LAMA2: variants seen among roughly 807,000 people sequenced by gnomAD.
LAMA2 encodes the protein laminin subunit alpha-2.
In LAMA2, 269 loss-of-function variants were observed where a neutral mutation model predicts 364.8. That is an observed-to-expected ratio of 0.74 (90% CI 0.67 to 0.82). LAMA2 has a LOEUF of 0.82. LAMA2 is among the 40% of genes least tolerant of loss of function. LAMA2 has a pLI of 0.00. For missense variants in LAMA2, 3,807 were observed against 3,873.2 expected (o/e 0.98, Z 0.45); for synonymous variants, 1,379 against 1,370.6 (o/e 1.01, Z -0.14).
intron 33 of LAMA2, among the ~76,000 whole-genome samples, chr6:129,366,951 A>C (rs1777812089): frequency 6.6e-6 from 1 of 152,226 alleles, no homozygotes; most frequent in Non-Finnish European, 1.5e-5. Context: ...TCAAACACAC[A>C]GGCAAATGTA....
intron 29 of LAMA2, among the ~76,000 whole-genome samples, chr6:129,334,266 G>T (rs535236876): frequency 1.3e-5 from 2 of 152,304 alleles, no homozygotes; most frequent in South Asian, 4.1e-4. Context: ...AGAGTGCCTT[G>T]ATTCAAATCC....
rs1447137530 is a variant in LAMA2 at position 129,074,645 on chromosome 6, A to T, written c.396+14749A>T. Among the ~76,000 whole-genome samples, 3 of 152,224 alleles carry T rather than the reference A, an allele frequency of 2.0e-5. No homozygotes were observed. In the East Asian group the frequency reaches 5.8e-4, roughly 29 times the overall value. On this transcript the variant is annotated intron_variant, in intron 3 of 64. Coordinates refer to ENST00000421865, the MANE Select transcript of LAMA2 (RefSeq NM_000426.4). ...GGGAAAAAATATTTATTTTATTTAC[A>T]GTTTTAAAAACAAAAATCAGCATAT...
At chr6:128,953,066 G>T (rs1780931094) in intron 1 of LAMA2, among the ~76,000 whole-genome samples, 1 of 152,160 alleles carries the variant, frequency 6.6e-6, no homozygotes, top group African/African-American at 2.4e-5. Flanking sequence ...ATTAATCTCT[G>T]TTGGCCTTGC....
At chr6:129,354,106 C>A (rs1777021235) in intron 32 of LAMA2, among the ~76,000 whole-genome samples, 1 of 152,064 alleles carries the variant, frequency 6.6e-6, no homozygotes, top group African/African-American at 2.4e-5. Context: ...TATTTTAGCA[C>A]CTTTTATTTC....
intron 34 of LAMA2, among the ~76,000 whole-genome samples, chr6:129,370,372 C>T (rs1778004238): frequency 6.6e-6 from 1 of 152,080 alleles, no homozygotes; most frequent in African/African-American, 2.4e-5. Context: ...GGGATTTTTG[C>T]ATTAGTATAG....
intron 41 of LAMA2, among the ~76,000 whole-genome samples, chr6:129,437,813 T>G (rs1781907759): frequency 6.6e-6 from 1 of 152,056 alleles, no homozygotes; most frequent in Non-Finnish European, 1.5e-5. Flanking sequence ...TAAACTTATA[T>G]CAACAGATTG....
intron 61 of LAMA2, among the ~76,000 whole-genome samples, chr6:129,506,505 C>G (rs1172511013): frequency 1.3e-5 from 2 of 152,088 alleles, no homozygotes; most frequent in African/African-American, 2.4e-5. Flanking sequence ...GCAGTAGTTA[C>G]AGTACAGTTA....
At chr6:129,368,867 A>G (rs528209876) in intron 33 of LAMA2, among the ~76,000 whole-genome samples, 2 of 152,340 alleles carry the variant, frequency 1.3e-5, no homozygotes, top group South Asian at 2.1e-4. Context: ...TTCTTTAACT[A>G]TGTCAGTGCT....
At chr6:129,436,747 C>T (rs941533066) in intron 41 of LAMA2, 10 of 152,110 alleles carry the variant, frequency 6.6e-5, no homozygotes, top group African/African-American at 2.4e-4. Context: ...TAAGAAATGA[C>T]ATCTTACTGT....
chr6:128,888,689 G>A (rs531238827), intron 1 of LAMA2, among the ~76,000 whole-genome samples: 1 of 152,320 alleles, frequency 6.6e-6, no homozygotes, highest in South Asian at 2.1e-4. Context: ...ATCTAAGCTT[G>A]GAGCATGGTG....
chr6:129,207,738 A>T (rs1348891574), intron 12 of LAMA2, among the ~76,000 whole-genome samples: 1 of 152,140 alleles, frequency 6.6e-6, no homozygotes, highest in African/African-American at 2.4e-5. Context: ...TCCAGTTCCT[A>T]ATAAGTATTA....
chr6:129,049,428 G>A (rs991822268), intron 1 of LAMA2, among the ~76,000 whole-genome samples: 2 of 152,070 alleles, frequency 1.3e-5, no homozygotes, highest in Non-Finnish European at 2.9e-5. Flanking sequence ...ATCTTCTCTA[G>A]TCTGGGATAA....
chr6:129,459,374 C>T (rs1248026561), intron 48 of LAMA2, among the ~76,000 whole-genome samples: 1 of 152,070 alleles, frequency 6.6e-6, no homozygotes, highest in East Asian at 1.9e-4. Flanking sequence ...CAACAAACTT[C>T]TCTAGGAGGG....
chr6:129,503,740 A>C (rs1025699058), intron 60 of LAMA2, among the ~76,000 whole-genome samples: 2 of 152,224 alleles, frequency 1.3e-5, no homozygotes, highest in Non-Finnish European at 2.9e-5. Flanking sequence ...GCAACACTAA[A>C]ATGGGTCCCA....
chr6:129,136,695 G>A (rs1478799), intron 4 of LAMA2, among the ~76,000 whole-genome samples: 46,917 of 152,054 alleles, frequency 0.31, 9,771 homozygotes, highest in African/African-American at 0.6. Flanking sequence ...ATTAAAGACT[G>A]TTGTGTTGAC....
chr6:129,315,947 A>G lies in LAMA2; in HGVS notation c.3921A>G (p.Thr1307=), dbSNP rs2114502570. The G allele has an allele frequency of 6.2e-7, 1 of 1,614,100 alleles. No individual in the cohort carries two copies. The highest frequency in any genetic ancestry group is 2.2e-5 in the East Asian group (1 of 44,878). Residue 1307 remains threonine, a synonymous_variant, in exon 26 of 65, where the codon ACA becomes ACG. Coordinates refer to ENST00000421865, the MANE Select transcript of LAMA2 (RefSeq NM_000426.4). ...GQLTRHEIEM[T]EKEWKYYGDD... Reference sequence around the variant, plus strand: ...TGACAAGGCATGAAATTGAAATGACAGAGGTAAAGTTAGTCATTGTTTGGT... The same window carrying G: ...TGACAAGGCATGAAATTGAAATGACGGAGGTAAAGTTAGTCATTGTTTGGT...
At chr6:129,223,264 T>C (rs987256070) in intron 12 of LAMA2, among the ~76,000 whole-genome samples, 1 of 152,182 alleles carries the variant, frequency 6.6e-6, no homozygotes, top group Non-Finnish European at 1.5e-5. Context: ...ATGAGTAGAT[T>C]GCAAAAATCT....
intron 4 of LAMA2, among the ~76,000 whole-genome samples, chr6:129,108,301 G>A (rs1470307253): frequency 3.3e-5 from 5 of 151,944 alleles, no homozygotes; most frequent in African/African-American, 2.4e-5. Context: ...GGAATTTAAT[G>A]TATGTCAGTT....
chr6:129,468,127 C>A (rs1460657631), intron 51 of LAMA2, among the ~76,000 whole-genome samples: 1 of 151,808 alleles, frequency 6.6e-6, no homozygotes, highest in Non-Finnish European at 1.5e-5. Flanking sequence ...GTCAAATGCA[C>A]CAAGCAGTCA....
Sources: gnomAD v4.1 joint callset for allele counts (sites outside exome capture counted in the v4.1 genomes callset) on GRCh38, gnomAD v4.1.1 for gene constraint, MANE v1.5 for transcripts, NCBI Gene and HGNC (gene_info 2026-07-23, HGNC 2026-07-21) for gene names.